Variants in AGAP1 observed in about 807,000 individuals in gnomAD.
AGAP1 encodes the protein arf-GAP with GTPase, ANK repeat and PH domain-containing protein 1.
In AGAP1, 29 loss-of-function variants were observed where a neutral mutation model predicts 105.3. The observed-to-expected ratio is 0.28, with a 90% confidence interval of 0.21 to 0.38. AGAP1 has a LOEUF of 0.38. AGAP1 is among the 10% of genes least tolerant of loss of function. The pLI is 1.00. For missense variants in AGAP1, 998 were observed against 1,165.1 expected (o/e 0.86, Z 2.09); for synonymous variants, 509 against 485.9 (o/e 1.05, Z -0.63).
intron 9 of AGAP1, among the ~76,000 whole-genome samples, chr2:235,844,500 T>C (rs1173962076): frequency 6.6e-6 from 1 of 152,232 alleles, no homozygotes; most frequent in Non-Finnish European, 1.5e-5. Context: ...TATGCACTTT[T>C]GGGGGCTGAT....
At chr2:235,783,775 TTTCATC>T (rs1956427866) in intron 6 of AGAP1, among the ~76,000 whole-genome samples, 3 of 152,078 alleles carry the variant, frequency 2.0e-5, no homozygotes, top group Non-Finnish European at 4.4e-5. Flanking sequence ...AGGGGGATAT[TTTCATC>T]GTGGCTTGGG....
At chr2:235,564,305 G>C (rs1944269167) in intron 1 of AGAP1, among the ~76,000 whole-genome samples, 1 of 152,104 alleles carries the variant, frequency 6.6e-6, no homozygotes, top group African/African-American at 2.4e-5. Context: ...ACTCTCTGGG[G>C]ATACTGTTAC....
Position 235,888,066 on chromosome 2 carries a change from C to T in AGAP1, c.1155+4617C>T, listed in dbSNP as rs75839212. On this transcript the variant is annotated intron_variant, in intron 10 of 17. Transcript: ENST00000304032. This position sits in a 1 kb window ranked among gnomAD's most constrained non-coding sequence, Gnocchi z 4.8. ...GTAAGGCTGCGCCCTGGTGCCACCACCAGCCTCCTTCCATTTGCTTATCAT... is the reference window on the plus strand; with the variant it reads ...GTAAGGCTGCGCCCTGGTGCCACCATCAGCCTCCTTCCATTTGCTTATCAT... 2.6e-5 allele frequency among the ~76,000 whole-genome samples: 4 copies of T among 152,122 alleles called. No individual in the cohort carries two copies. The highest frequency in any genetic ancestry group is 5.9e-5 in the Non-Finnish European group (4 of 68,030).
intron 6 of AGAP1, among the ~76,000 whole-genome samples, chr2:235,781,587 T>C (rs994320853): frequency 1.3e-5 from 2 of 152,146 alleles, no homozygotes; most frequent in South Asian, 2.1e-4. Flanking sequence ...AAATCACACT[T>C]ATTGAATGCA....
intron 1 of AGAP1, among the ~76,000 whole-genome samples, chr2:235,671,914 A>G (rs998959126): frequency 6.6e-6 from 1 of 152,134 alleles, no homozygotes; most frequent in Non-Finnish European, 1.5e-5. Context: ...CACAGACTCC[A>G]TCAACTGCGC....
intron 9 of AGAP1, among the ~76,000 whole-genome samples, chr2:235,827,638 A>G (rs1959143555): frequency 1.3e-5 from 2 of 152,032 alleles, no homozygotes; most frequent in South Asian, 4.1e-4. Context: ...CCCCCATTCT[A>G]CCCTCTGAGC....
chr2:235,960,545 C>T lies in AGAP1; in HGVS notation c.1484-7917C>T, dbSNP rs1324053621. Reference sequence around the variant, plus strand: ...GGCGTGCGGACTCTTCCGTACCTCACTTCTCCCTGCACCTGTGGCCCCTGC... The same window carrying T: ...GGCGTGCGGACTCTTCCGTACCTCATTTCTCCCTGCACCTGTGGCCCCTGC... On this transcript the variant is annotated intron_variant, in intron 12 of 17. Coordinates refer to ENST00000304032, the MANE Select transcript of AGAP1 (RefSeq NM_001037131.3). This position sits in a 1 kb window ranked among gnomAD's most constrained non-coding sequence, Gnocchi z 4.9. Among the ~76,000 whole-genome samples, 1 of 152,184 alleles carries T rather than the reference C, an allele frequency of 6.6e-6. No homozygotes were observed. The highest frequency in any genetic ancestry group is 6.5e-5 in the Admixed American group (1 of 15,278).
chr2:235,651,270 G>A (rs113097761), intron 1 of AGAP1, among the ~76,000 whole-genome samples: 3 of 150,028 alleles, frequency 2.0e-5, no homozygotes, highest in Non-Finnish European at 3.0e-5. Context: ...TGGACAAGGT[G>A]GGGAACGACT....
intron 1 of AGAP1, 61 bp from the exon 2 acceptor site, chr2:235,709,118 C>G: frequency 6.5e-7 from 1 of 1,548,834 alleles, no homozygotes; most frequent in Non-Finnish European, 8.9e-7. Context: ...CCATTGGAGG[C>G]ATTTTGACTT....
At position 235,864,237 on chromosome 2, in the gene AGAP1, A is replaced by G. The variant is rs910809094; in HGVS notation, c.1051-19108A>G. Among the ~76,000 whole-genome samples, 25 of 152,214 alleles carry G rather than the reference A, an allele frequency of 1.6e-4. No individual in the cohort carries two copies. The highest frequency in any genetic ancestry group is 5.8e-4 in the African/African-American group (24 of 41,454). Reference sequence around the variant, plus strand: ...TCAGGAATTCCTCCCTGCCATATCCATGTGCCACTGTGTAGTCCCGTGAAC... The same window carrying G: ...TCAGGAATTCCTCCCTGCCATATCCGTGTGCCACTGTGTAGTCCCGTGAAC... On this transcript the variant is annotated intron_variant, in intron 9 of 17. Transcript: ENST00000304032. The surrounding 1 kb of genome is among the most constrained non-coding windows in gnomAD (Gnocchi z 5.0).
intron 13 of AGAP1, among the ~76,000 whole-genome samples, chr2:236,007,772 C>T (rs2056371875): frequency 6.6e-6 from 1 of 152,184 alleles, no homozygotes; most frequent in African/African-American, 2.4e-5. Context: ...GCTAAGGTGG[C>T]CCCTGCTCAC....
At chr2:235,495,569 G>A (rs901193716) in intron 1 of AGAP1, among the ~76,000 whole-genome samples, 3 of 152,244 alleles carry the variant, frequency 2.0e-5, no homozygotes, top group South Asian at 2.1e-4. Context: ...GGGTGCTGTG[G>A]TTTTAAGAGG....
At chr2:235,968,375 T>G in intron 12 of AGAP1, 87 bp from the exon 13 acceptor site, 3 of 1,480,604 alleles carry the variant, frequency 2.0e-6, no homozygotes, top group Non-Finnish European at 2.7e-6. Flanking sequence ...GAGAGGAGCG[T>G]GGCTGTGCTG....
At chr2:236,016,029 C>CA (rs2056690070) in intron 13 of AGAP1, among the ~76,000 whole-genome samples, 1 of 109,632 alleles carries the variant, frequency 9.1e-6, no homozygotes, top group South Asian at 4.2e-4. Flanking sequence ...GCCCTGCTCT[C>CA]AGCCAGGAAA....
At position 236,121,797 on chromosome 2, in the gene AGAP1, T is replaced by G. The variant is rs1328257590; in HGVS notation, c.2370+1350T>G. Among the ~76,000 whole-genome samples, 1 of 152,288 alleles carries G rather than the reference T, an allele frequency of 6.6e-6. No homozygotes were observed. Among genetic ancestry groups the G allele is most frequent in the East Asian group, 1.9e-4 (1 of 5,186 alleles). ...GGTGCTTCAACAACAGACATTTATT[T>G]TTTCACAGTTCTGGAGGCTGGAAGT... On this transcript the variant is annotated intron_variant, in intron 17 of 17. Coordinates refer to ENST00000304032, the MANE Select transcript of AGAP1 (RefSeq NM_001037131.3). The surrounding 1 kb of genome is among the most constrained non-coding windows in gnomAD (Gnocchi z 4.9).
chr2:236,123,629 A>G lies in AGAP1; in HGVS notation c.2371-290A>G, dbSNP rs2059952622. ...ACAATGATTTTCTTTGTGCAATTGG[A>G]AAGTCAAAATAGAAACAGCAAAACT... On this transcript the variant is annotated intron_variant, in intron 17 of 17. Coordinates refer to ENST00000304032, the MANE Select transcript of AGAP1 (RefSeq NM_001037131.3). The surrounding 1 kb of genome is among the most constrained non-coding windows in gnomAD (Gnocchi z 4.6). Among the ~76,000 whole-genome samples the G allele has an allele frequency of 6.6e-6, 1 of 152,170 alleles. No homozygotes were observed. Among genetic ancestry groups the G allele is most frequent in the African/African-American group, 2.4e-5 (1 of 41,420 alleles).
At position 236,036,603 on chromosome 2, in the gene AGAP1, G is replaced by A. The variant is rs1214825278; in HGVS notation, c.1688G>A (p.Gly563Asp). 6.2e-7 allele frequency: 1 copy of A among 1,614,074 alleles called. No individual in the cohort carries two copies. The highest frequency in any genetic ancestry group is 8.5e-7 in the Non-Finnish European group (1 of 1,180,036). ...GAGTTTATCATTGTGTCCCTCACTGGCCAAACATGGCACTTTGAAGCCACG... is the reference window on the plus strand; with the variant it reads ...GAGTTTATCATTGTGTCCCTCACTGACCAAACATGGCACTTTGAAGCCACG... ...NFEFIIVSLTGQTWHFEATTY... is the reference protein window; with the variant it reads ...NFEFIIVSLTDQTWHFEATTY... Residue 563 changes from glycine (G) to aspartate (D), a missense_variant, in exon 14 of 18, where the codon GGC becomes GAC. This residue lies in a region of AGAP1 where 735 missense variants were observed against 833.4 expected (regional missense o/e 0.88). Coordinates refer to ENST00000304032, the MANE Select transcript of AGAP1 (RefSeq NM_001037131.3). This position sits in a 1 kb window ranked among gnomAD's most constrained non-coding sequence, Gnocchi z 5.7.
At chr2:235,579,248 G>A (rs12992118) in intron 1 of AGAP1, among the ~76,000 whole-genome samples, 58,631 of 151,928 alleles carry the variant, frequency 0.39, 11,619 homozygotes, top group Middle Eastern at 0.54. Flanking sequence ...TGCAGAGCCG[G>A]GCTCAGTTTA....
In AGAP1 at chr2:235,752,956, C is replaced by T. The variant is rs1305817632; in HGVS notation, c.673+2468C>T. 6.6e-6 allele frequency among the ~76,000 whole-genome samples: 1 copy of T among 152,174 alleles called. No homozygotes were observed. The highest frequency in any genetic ancestry group is 2.4e-5 in the African/African-American group (1 of 41,438). On this transcript the variant is annotated intron_variant, in intron 6 of 17. Coordinates refer to ENST00000304032, the MANE Select transcript of AGAP1 (RefSeq NM_001037131.3). This position sits in a 1 kb window ranked among gnomAD's most constrained non-coding sequence, Gnocchi z 4.3. ...GGTGTGGTGTCTGCTGAGGGCCATC[C>T]TCCTAGTGGGATATGTGTTTGCATA...
Sources: allele counts gnomAD v4.1 joint callset (sites outside exome capture counted in the v4.1 genomes callset), GRCh38; gene constraint gnomAD v4.1.1; regional missense constraint gnomAD v4.1.1; non-coding constraint Gnocchi (gnomAD v3.1); transcripts MANE v1.5; gene names NCBI Gene and HGNC (gene_info 2026-07-23, HGNC 2026-07-21).